GPR160: variants seen among roughly 807,000 people sequenced by gnomAD.
The protein encoded by GPR160 is probable G protein-coupled receptor 160.
Under a neutral mutation model 2.6 loss-of-function variants are expected in GPR160, and 2 were observed. The observed-to-expected ratio is 0.77, with a 90% CI of 0.32 to 2.44. The LOEUF (loss-of-function observed/expected upper bound fraction) is 2.44, where lower values mean the gene tolerates loss of function less well. Ranked by LOEUF, GPR160 falls within the 30% of genes most tolerant of loss-of-function variation. The pLI is 0.11. For synonymous variants in GPR160, 130 were observed against 132.2 expected (o/e 0.98, Z 0.12); for missense variants, 351 against 383.6 (o/e 0.91, Z 0.71).
At chr3:170,047,835 C>CTTTTT (rs1225615379) in intron 2 of GPR160, among the ~76,000 whole-genome samples, 12 of 125,082 alleles carry the variant, frequency 9.6e-5, no homozygotes, top group African/African-American at 3.5e-4. Context: ...GGACATTATT[C>CTTTTT]TTTTTTTTTT....
chr3:170,072,682 T>C (rs528136472), intron 2 of GPR160, among the ~76,000 whole-genome samples: 1 of 152,152 alleles, frequency 6.6e-6, no homozygotes, highest in East Asian at 1.9e-4. Context: ...CAGACTCTTT[T>C]TAACCAGCCA....
intron 2 of GPR160, among the ~76,000 whole-genome samples, chr3:170,064,568 G>C (rs992747812): frequency 2.2e-5 from 3 of 138,564 alleles, no homozygotes; most frequent in African/African-American, 7.9e-5. Flanking sequence ...GCCCAGGCTG[G>C]AGTACAGTGG....
chr3:170,077,020 C>T (rs895219369), intron 2 of GPR160: 1 of 152,150 alleles, frequency 6.6e-6, no homozygotes, highest in African/African-American at 2.4e-5. Context: ...TAACCACAAG[C>T]CTGTTTTCCT....
Position 170,080,875 on chromosome 3 carries a change from A to AT in GPR160, c.-69+984dup, listed in dbSNP as rs569765244. Among the ~76,000 whole-genome samples the AT allele has an allele frequency of 7.2e-5, 11 of 152,046 alleles. No individual in the cohort carries two copies. In the South Asian group the frequency reaches 1.5e-3, roughly 20 times the overall value. On this transcript the variant is annotated intron_variant, in intron 3 of 3. Coordinates refer to ENST00000355897, the MANE Select transcript of GPR160 (RefSeq NM_014373.3). ...ACCACCACACCCGAGTAATTTTTGT[A>AT]TTTTTTGTAGAGACTAGGTTTCACC... is the stretch of plus-strand genomic sequence containing the variant.
Position 170,084,290 on chromosome 3 carries a change from C to T in GPR160, c.318C>T (p.Gly106=). 2.5e-6 allele frequency: 4 copies of T among 1,607,930 alleles called. No individual in the cohort carries two copies. The highest frequency in any genetic ancestry group is 3.4e-6 in the Non-Finnish European group (4 of 1,175,168). Residue 106 remains glycine (G), a synonymous_variant, in exon 4 of 4, where the codon GGC becomes GGT. Coordinates refer to ENST00000355897, the MANE Select transcript of GPR160 (RefSeq NM_014373.3). ...CTCAAATTATTTCCTTTACTTATGG[C>T]TTTTTGCATTATCCAGTTTTCCTGA... ...LFTQIISFTY[G]FLHYPVFLTA...
chr3:170,065,510 G>A (rs1359255604), intron 2 of GPR160, among the ~76,000 whole-genome samples: 3 of 152,114 alleles, frequency 2.0e-5, no homozygotes, highest in Admixed American at 6.6e-5. Flanking sequence ...TTCCTGGACC[G>A]CATGTATTGC....
intron 3 of GPR160, among the ~76,000 whole-genome samples, chr3:170,082,984 T>C (rs1262158404): frequency 1.3e-5 from 2 of 151,480 alleles, no homozygotes; most frequent in Non-Finnish European, 1.5e-5. Context: ...TTTTTTTTTT[T>C]TTTGGTTTTT....
At chr3:170,051,563 A>G (rs936091696) in intron 2 of GPR160, among the ~76,000 whole-genome samples, 1 of 152,116 alleles carries the variant, frequency 6.6e-6, no homozygotes, top group African/African-American at 2.4e-5. Flanking sequence ...CGCCTCTACT[A>G]AAAATACAAA....
chr3:170,082,513 T>A (rs1713183774), intron 3 of GPR160, among the ~76,000 whole-genome samples: 2 of 152,156 alleles, frequency 1.3e-5, no homozygotes, highest in Non-Finnish European at 2.9e-5. Flanking sequence ...GGTTTTTGGA[T>A]TAGGGATGCA....
intron 2 of GPR160, among the ~76,000 whole-genome samples, chr3:170,060,347 G>A (rs942657475): frequency 6.6e-6 from 1 of 152,236 alleles, no homozygotes; most frequent in African/African-American, 2.4e-5. Context: ...AACTCCCAGT[G>A]TGGTGATTAA....
chr3:170,044,191 G>A (rs891947451), intron 2 of GPR160, among the ~76,000 whole-genome samples: 4 of 151,926 alleles, frequency 2.6e-5, no homozygotes, highest in African/African-American at 9.7e-5. Context: ...TGGCGTGGTG[G>A]TGTATGCCTG....
At chr3:170,062,021 G>A (rs6805274) in intron 2 of GPR160, among the ~76,000 whole-genome samples, 6,139 of 86,284 alleles carry the variant, frequency 0.071, 349 homozygotes, top group East Asian at 0.26. Flanking sequence ...TAAATTCCAA[G>A]TTTTTTTATT....
chr3:170,072,854 A>T (rs183351222), intron 2 of GPR160, among the ~76,000 whole-genome samples: 1 of 152,272 alleles, frequency 6.6e-6, no homozygotes, highest in Admixed American at 6.5e-5. Flanking sequence ...GGGGACAAAC[A>T]TCCAAATAAT....
intron 3 of GPR160, among the ~76,000 whole-genome samples, chr3:170,082,975 T>TG (rs1713212181): frequency 7.2e-6 from 1 of 138,706 alleles, no homozygotes; most frequent in South Asian, 2.1e-4. Context: ...TTTTTGGGGT[T>TG]TTTTTTTTTT....
At chr3:170,062,469 C>A in intron 2 of GPR160, 2 of 573,134 alleles carry the variant, frequency 3.5e-6, no homozygotes, top group South Asian at 3.7e-5. Context: ...GTCACGAAGT[C>A]AAATGCCAGG....
Position 170,064,514 on chromosome 3 carries a change from C to CTTTTTTTTTTTTTT in GPR160, c.-192-15251_-192-15238dup, listed in dbSNP as rs1175382810. On this transcript the variant is annotated intron_variant, in intron 2 of 3. Coordinates refer to ENST00000355897, the MANE Select transcript of GPR160 (RefSeq NM_014373.3). ...GGGACCCATTCTTTTCTTTTCTTTTCTTTTTTTTTTTTTTTTTTTTTTGAG... is the reference window on the plus strand; with the variant it reads ...GGGACCCATTCTTTTCTTTTCTTTTCTTTTTTTTTTTTTTTTTTTTTTTTTTTTTTTTTTTTGAG... Among the ~76,000 whole-genome samples the CTTTTTTTTTTTTTT allele has an allele frequency of 3.7e-5, 3 of 81,052 alleles. 1 individual carries two copies. Among genetic ancestry groups the CTTTTTTTTTTTTTT allele is most frequent in the Non-Finnish European group, 7.5e-5 (3 of 40,164 alleles). The allele number at this position is 81,052 out of a possible 152,430, so 53.2% of individuals were successfully genotyped here. A position where few individuals can be genotyped will look rare whatever the true frequency, so the allele number is the denominator to read the frequency against.
chr3:170,047,289 G>A (rs1338287862), intron 2 of GPR160, among the ~76,000 whole-genome samples: 2 of 152,118 alleles, frequency 1.3e-5, no homozygotes, highest in African/African-American at 4.8e-5. Flanking sequence ...TTCACCGCAA[G>A]GTTTTCTCTT....
intron 2 of GPR160, among the ~76,000 whole-genome samples, chr3:170,040,970 A>G (rs911731214): frequency 2.2e-4 from 33 of 152,166 alleles, no homozygotes; most frequent in African/African-American, 8.0e-4. Context: ...AGTAATAGCT[A>G]TATCTTCATC....
intron 2 of GPR160, among the ~76,000 whole-genome samples, chr3:170,072,627 T>C (rs1712656355): frequency 6.6e-6 from 1 of 152,082 alleles, no homozygotes; most frequent in Non-Finnish European, 1.5e-5. Flanking sequence ...GGAGCAGGTG[T>C]GTCACATGGT....
Sources: allele counts gnomAD v4.1 joint callset (sites outside exome capture counted in the v4.1 genomes callset), GRCh38; gene constraint gnomAD v4.1.1; transcripts MANE v1.5; gene names NCBI Gene and HGNC (gene_info 2026-07-23, HGNC 2026-07-21).